BLTP1: variants seen among roughly 807,000 people sequenced by gnomAD.
The protein encoded by BLTP1 is bridge-like lipid transfer protein family member 1.
At chr4:122,204,226 T>C in the BLTP1 span, among the ~76,000 whole-genome samples, 1 of 151,828 alleles carries the variant, frequency 6.6e-6, no homozygotes, top group Non-Finnish European at 1.5e-5. Context: ...AAGTGTGAAA[T>C]GTGAAGCTGA....
At chr4:122,160,828 T>G in the BLTP1 span, among the ~76,000 whole-genome samples, 1 of 152,198 alleles carries the variant, frequency 6.6e-6, no homozygotes, top group African/African-American at 2.4e-5. Context: ...ACTTGGTGTT[T>G]TAATTGTTAA....
At chr4:122,266,856 A>G in the BLTP1 span, 1 of 1,612,120 alleles carries the variant, frequency 6.2e-7, no homozygotes, top group Non-Finnish European at 8.5e-7. Flanking sequence ...TACCGAATGT[A>G]CTTTGGAGAA....
the BLTP1 span, chr4:122,199,750 T>G: frequency 4.5e-6 from 1 of 224,646 alleles, no homozygotes; most frequent in Non-Finnish European, 7.4e-6. Context: ...ATTAAATCTC[T>G]TCTAAGTTCT....
the BLTP1 span, chr4:122,277,067 T>G: frequency 1.0e-6 from 1 of 985,258 alleles, no homozygotes; most frequent in Non-Finnish European, 1.2e-6. Flanking sequence ...TTTGCCCATT[T>G]GAAGGATCAC....
At chr4:122,297,973 G>C in the BLTP1 span, 1 of 166,818 alleles carries the variant, frequency 6.0e-6, no homozygotes, top group Non-Finnish European at 1.2e-5. Context: ...ATACCTAGGT[G>C]ATGGGTTGAT....
the BLTP1 span, among the ~76,000 whole-genome samples, chr4:122,173,630 ATAG>A: frequency 5.3e-5 from 8 of 152,176 alleles, no homozygotes; most frequent in African/African-American, 1.7e-4. Context: ...TCATGAACAG[ATAG>A]TAGCATTAGA....
At chr4:122,179,891 A>G in the BLTP1 span, 2 of 985,262 alleles carry the variant, frequency 2.0e-6, no homozygotes, top group Non-Finnish European at 2.4e-6. Context: ...TGCCCCCCAC[A>G]TACAGACAGG....
At chr4:122,249,765 T>C in the BLTP1 span, 6 of 1,542,516 alleles carry the variant, frequency 3.9e-6, no homozygotes, top group Non-Finnish European at 5.3e-6. Context: ...ATCATGGCTT[T>C]CAGTAACCTG....
chr4:122,319,573 G>A, the BLTP1 span, among the ~76,000 whole-genome samples: 7 of 137,030 alleles, frequency 5.1e-5, no homozygotes, highest in Non-Finnish European at 1.1e-4. Flanking sequence ...ACAGAGTCTC[G>A]CTCTGTTGCC....
At chr4:122,318,316 C>G in the BLTP1 span, 3 of 1,507,994 alleles carry the variant, frequency 2.0e-6, no homozygotes, top group South Asian at 1.2e-5. Context: ...AACCACCTGA[C>G]TTTTTCCTAT....
At chr4:122,337,748 T>C in the BLTP1 span, among the ~76,000 whole-genome samples, 1 of 151,536 alleles carries the variant, frequency 6.6e-6, no homozygotes, top group Non-Finnish European at 1.5e-5. Context: ...TTCAAATTTT[T>C]GCTAAGTGTT....
chr4:122,267,931 G>A, the BLTP1 span, among the ~76,000 whole-genome samples: 2 of 151,728 alleles, frequency 1.3e-5, no homozygotes, highest in Admixed American at 6.6e-5. Flanking sequence ...TTTGCAAGGT[G>A]GTAAATTAAA....
chr4:122,154,646 G>C, the BLTP1 span, among the ~76,000 whole-genome samples: 1 of 152,166 alleles, frequency 6.6e-6, no homozygotes, highest in East Asian at 1.9e-4. Flanking sequence ...GGCCGAGGCG[G>C]GCGGATCACA....
the BLTP1 span, chr4:122,162,554 T>A: frequency 1.0e-6 from 1 of 985,392 alleles, no homozygotes; most frequent in Non-Finnish European, 1.2e-6. Flanking sequence ...CTTGCTGAGA[T>A]GGGGTGGAGT....
chr4:122,301,322 C>T, the BLTP1 span: 1 of 1,602,282 alleles, frequency 6.2e-7, no homozygotes, highest in Non-Finnish European at 8.5e-7. Flanking sequence ...CTATTCCTCT[C>T]TGGAACGAAC....
At chr4:122,318,151 T>C in the BLTP1 span, 1 of 1,595,646 alleles carries the variant, frequency 6.3e-7, no homozygotes, top group African/African-American at 1.4e-5. Flanking sequence ...ATCCAGAAAA[T>C]TAGGTGCAAG....
the BLTP1 span, chr4:122,186,028 G>A: frequency 6.6e-7 from 1 of 1,526,026 alleles, no homozygotes; most frequent in Non-Finnish European, 8.8e-7. Flanking sequence ...TGTAATTGGT[G>A]TCTTTAGATC....
the BLTP1 span, chr4:122,249,440 G>C: frequency 2.3e-4 from 375 of 1,600,160 alleles, 1 homozygote; most frequent in East Asian, 7.9e-3. Flanking sequence ...TTTAATGTAA[G>C]CTTATGTCTT....
At chr4:122,329,414 A>G in the BLTP1 span, among the ~76,000 whole-genome samples, 1 of 151,602 alleles carries the variant, frequency 6.6e-6, no homozygotes, top group Non-Finnish European at 1.5e-5. Context: ...TCTTGTCATT[A>G]TATTTAATTT....
Sources: gnomAD v4.1 joint callset for allele counts (sites outside exome capture counted in the v4.1 genomes callset) on GRCh38, gnomAD v4.1.1 for gene constraint, MANE v1.5 for transcripts, NCBI Gene and HGNC (gene_info 2026-07-23, HGNC 2026-07-21) for gene names.